The following ATG2A variants were observed in gnomAD, a reference collection of about 807,000 sequenced individuals.
ATG2A encodes the protein autophagy related 2A.
A neutral mutation model predicts 214.2 loss-of-function variants in ATG2A; 103 were observed. That is an observed-to-expected ratio of 0.48 (90% CI 0.41 to 0.57). The LOEUF (loss-of-function observed/expected upper bound fraction) is 0.57. Among genes scored for constraint, ATG2A ranks in the 20% least tolerant of loss-of-function variants. The probability of loss-of-function intolerance (pLI) is 0.00; values close to 1 mark genes in which losing one functional copy is unlikely to be tolerated. For missense variants in ATG2A, 2,312 were observed against 2,613.2 expected, an observed-to-expected ratio of 0.88 and a Z score of 2.51; for synonymous variants, 1,160 against 1,142.1, an observed-to-expected ratio of 1.02 and a Z score of -0.32.
At position 64,900,558 on chromosome 11, in the gene ATG2A, G is replaced by A. The variant is rs929398162; in HGVS notation, c.4400C>T (p.Ser1467Leu). The change falls in exon 31 of 41, where the codon TCA becomes TTA. Residue 1467 changes from serine (S) to leucine (L), a missense_variant. Coordinates refer to ENST00000377264, the MANE Select transcript of ATG2A (RefSeq NM_015104.3). Reference protein sequence around the residue: ...RCSGPNRPQNSWRTQGGSGRQ... With the variant: ...RCSGPNRPQNLWRTQGGSGRQ... ...CCCGCTGCCCCCCTGCGTGCGCCAT[G>A]AGTTCTGGGGCCGGTTGGGGCCAGA... The A allele has an allele frequency of 1.2e-6, 2 of 1,613,396 alleles. No homozygotes were observed. The highest frequency in any genetic ancestry group is 2.2e-5 in the East Asian group (1 of 44,878).
At chr11:64,906,041 C>T in intron 22 of ATG2A, 72 bp downstream of exon 22, 1 of 1,513,954 alleles carries the variant, frequency 6.6e-7, no homozygotes. Flanking sequence ...CTCCTCCCAC[C>T]TAGAGACCTG....
At chr11:64,901,896 T>A (rs1294730939) in intron 29 of ATG2A, 66 bp downstream of exon 29, 8 of 1,568,216 alleles carry the variant, frequency 5.1e-6, no homozygotes, top group Non-Finnish European at 6.9e-6. Context: ...CACCCCTGAG[T>A]GTTCCGTCCC....
chr11:64,897,801 C>T (rs1373982622), intron 35 of ATG2A, 38 bp downstream of exon 35: 2 of 1,614,046 alleles, frequency 1.2e-6, no homozygotes, highest in Non-Finnish European at 1.7e-6. Context: ...CCCCAGCAAT[C>T]TGGCCCAGGG....
intron 31 of ATG2A, among the ~76,000 whole-genome samples, chr11:64,899,605 CT>C (rs1944279444): frequency 6.6e-6 from 1 of 152,160 alleles, no homozygotes. Flanking sequence ...AGGCCCAAAC[CT>C]TGAACCCTCT....
chr11:64,898,224 G>A lies in ATG2A; in HGVS notation c.4773+37C>T. 6.2e-7 allele frequency: 1 copy of A among 1,613,558 alleles called. No individual in the cohort carries two copies. The highest frequency in any genetic ancestry group is 8.5e-7 in the Non-Finnish European group (1 of 1,179,652). On this transcript the variant is annotated intron_variant, in intron 33 of 40. Transcript: ENST00000377264. This position sits in a 1 kb window ranked among gnomAD's most constrained non-coding sequence, Gnocchi z 4.5. ...AGACTCAGAGGCCTGGAGACAGTGG[G>A]GTCACCCTAGGCTCTGCCCTCACGT... is the stretch of plus-strand genomic sequence containing the variant.
chr11:64,911,486 G>A (rs1944772975), intron 9 of ATG2A, among the ~76,000 whole-genome samples: 1 of 152,180 alleles, frequency 6.6e-6, no homozygotes, highest in Non-Finnish European at 1.5e-5. Context: ...CAGGGTGCTG[G>A]AAGGACAGGA....
Position 64,911,184 on chromosome 11 carries a change from C to T in ATG2A, c.1320G>A (p.Gln440=). Residue 440 remains glutamine, a synonymous_variant, in exon 10 of 41, where the codon CAG becomes CAA. Transcript: ENST00000377264. ...GTGGTCCGGAAGATGGGGCAGACGTCTGAAGCAAGGTCAGGGTCACACCCC... is the reference window on the plus strand; with the variant it reads ...GTGGTCCGGAAGATGGGGCAGACGTTTGAAGCAAGGTCAGGGTCACACCCC... The part of the protein sequence containing the change: ...TLGGVTLTLL[Q]TSAPSSGPPD... The T allele has an allele frequency of 6.2e-7, 1 of 1,614,152 alleles. No individual in the cohort carries two copies. Among genetic ancestry groups the T allele is most frequent in the Non-Finnish European group, 8.5e-7 (1 of 1,180,034 alleles).
At position 64,909,293 on chromosome 11, in the gene ATG2A, C is replaced by G; in HGVS notation, c.2182G>C (p.Gly728Arg). 2 of 1,613,688 alleles carry G rather than the reference C, an allele frequency of 1.2e-6. No individual in the cohort carries two copies. The highest frequency in any genetic ancestry group is 1.7e-6 in the Non-Finnish European group (2 of 1,179,972). Residue 728 changes from glycine (G) to arginine (R), a missense_variant, in exon 15 of 41, where the codon GGG becomes CGG. Gly to Arg is a moderately radical substitution (Grantham distance 125, BLOSUM62 -2). Coordinates refer to ENST00000377264, the MANE Select transcript of ATG2A (RefSeq NM_015104.3). ...VSKALDPKST[G>R]RKYFLPQVVV... ...TACTGGGGCAGGAAGTACTTGCGCCCAGTGCTCTTGGGGTCCAGGGCTTTG... is the reference window on the plus strand; with the variant it reads ...TACTGGGGCAGGAAGTACTTGCGCCGAGTGCTCTTGGGGTCCAGGGCTTTG...
chr11:64,896,933 G>A (rs1438484264), intron 37 of ATG2A, 64 bp from the exon 38 acceptor site: 2 of 1,590,972 alleles, frequency 1.3e-6, no homozygotes, highest in African/African-American at 1.3e-5. Flanking sequence ...GGGATTGTGG[G>A]GTCAGGAGGA....
rs746936357 is a variant in ATG2A, at chr11:64,905,755, A to G, written c.3358T>C (p.Ser1120Pro). 6.2e-7 allele frequency: 1 copy of G among 1,613,938 alleles called. No individual in the cohort carries two copies. The highest frequency in any genetic ancestry group is 1.1e-5 in the South Asian group (1 of 91,078). The change falls in exon 23 of 41, where the codon TCT becomes CCT. Residue 1120 changes from serine (S) to proline (P), a missense_variant. Coordinates refer to ENST00000377264, the MANE Select transcript of ATG2A (RefSeq NM_015104.3). ...TILHTHLFSCSVDYRPLYLPV... is the reference protein window; with the variant it reads ...TILHTHLFSCPVDYRPLYLPV... ...CCAGCCTGGTACCTATAGTCCACAG[A>G]GCAGGAGAACAGGTGTGTGTGCAGG...
intron 16 of ATG2A, 25 bp downstream of exon 16, chr11:64,908,966 G>C (rs1944658964): frequency 6.4e-7 from 1 of 1,550,854 alleles, no homozygotes; most frequent in Non-Finnish European, 8.7e-7. Flanking sequence ...AGGGGGTCCT[G>C]GGAAGAGGTG....
chr11:64,915,785 G>A (rs780670838), intron 1 of ATG2A, among the ~76,000 whole-genome samples: 15 of 152,114 alleles, frequency 9.9e-5, no homozygotes, highest in Non-Finnish European at 2.1e-4. Context: ...GCTAGCCTGG[G>A]CAACATAGCG....
chr11:64,902,569 C>A lies in ATG2A; in HGVS notation c.3724G>T (p.Asp1242Tyr). The A allele has an allele frequency of 1.3e-6, 2 of 1,584,820 alleles. No individual in the cohort carries two copies. The highest frequency in any genetic ancestry group is 1.7e-6 in the Non-Finnish European group (2 of 1,168,062). The change falls in exon 27 of 41, where the codon GAT becomes TAT. Residue 1242 changes from aspartate (D) to tyrosine (Y), a missense_variant. Transcript: ENST00000377264. ...GGGGGCCGGGGTGGGGGGTGCAGAT[C>A]GCCTGTGCTCATTACGTACTGGAGC... is the stretch of plus-strand genomic sequence containing the variant. ...NLLQYVMSTG[D>Y]LHPPPRPPSP... is the part of the protein sequence containing the mutation.
chr11:64,913,986 T>C lies in ATG2A; in HGVS notation c.488-63A>G. On this transcript the variant is annotated intron_variant, in intron 3 of 40. Transcript: ENST00000377264. This position sits in a 1 kb window ranked among gnomAD's most constrained non-coding sequence, Gnocchi z 4.3. ...AGCAAAGGGGAGGCAGAATTTCCCA[T>C]CTGGGCACCAGGGTGGCCGTGCCGT... The C allele has an allele frequency of 6.3e-7, 1 of 1,586,144 alleles. No individual in the cohort carries two copies. Among genetic ancestry groups the C allele is most frequent in the Non-Finnish European group, 8.6e-7 (1 of 1,165,548 alleles).
chr11:64,913,751 G>T lies in ATG2A; in HGVS notation c.590+70C>A. The T allele has an allele frequency of 6.8e-7, 1 of 1,464,504 alleles. No homozygotes were observed. The highest frequency in any genetic ancestry group is 9.5e-7 in the Non-Finnish European group (1 of 1,056,796). 90.7% of individuals were successfully genotyped at this position (1,464,504 alleles called of 1,614,324 possible). A position where few individuals can be genotyped will look rare whatever the true frequency, so the allele number is the denominator to read the frequency against. On this transcript the variant is annotated intron_variant, in intron 4 of 40. Coordinates refer to ENST00000377264, the MANE Select transcript of ATG2A (RefSeq NM_015104.3). This position sits in a 1 kb window ranked among gnomAD's most constrained non-coding sequence, Gnocchi z 4.3. The stretch of plus-strand genomic sequence containing the variant: ...CCTCTTCCCAGGAACCTAGGCTGCG[G>T]GTGGGGACCATCCAGCAGCCCCCAC...
In ATG2A at chr11:64,900,574, T is replaced by TGGG. The variant is rs1404196880; in HGVS notation, c.4381_4383dup (p.Pro1461dup). On this transcript the variant is annotated inframe_insertion, in exon 31 of 41. Coordinates refer to ENST00000377264, the MANE Select transcript of ATG2A (RefSeq NM_015104.3). ...GTGCGCCATGAGTTCTGGGGCCGGT[T>TGGG]GGGGCCAGAGCAGCGGGAAGGGGAG... 2 of 1,613,244 alleles carry TGGG rather than the reference T, an allele frequency of 1.2e-6. No homozygotes were observed. The highest frequency in any genetic ancestry group is 2.2e-5 in the South Asian group (2 of 91,058).
In ATG2A at chr11:64,914,439, C is replaced by G; in HGVS notation, c.233G>C (p.Gly78Ala). 6.2e-7 allele frequency: 1 copy of G among 1,612,796 alleles called. No individual in the cohort carries two copies. The highest frequency in any genetic ancestry group is 8.5e-7 in the Non-Finnish European group (1 of 1,179,760). The change falls in exon 2 of 41, where the codon GGC (glycine) becomes GCC (alanine). Residue 78 changes from glycine to alanine, a missense_variant. Physicochemically the swap from Gly to Ala is moderately conservative, Grantham distance 60 (BLOSUM62 0). Coordinates refer to ENST00000377264, the MANE Select transcript of ATG2A (RefSeq NM_015104.3). ...CCAGGGCACGGCCACCTCGATGGAG[C>G]CCACGAAGCCTTCCACCAGCTCCAG... ...SPLELVEGFV[G>A]SIEVAVPWAA...
rs1944170156 is a variant in ATG2A, at chr11:64,896,842, G to C, written c.5178C>G (p.Gly1726=). 3 of 1,614,188 alleles carry C rather than the reference G, an allele frequency of 1.9e-6. No homozygotes were observed. Among genetic ancestry groups the C allele is most frequent in the South Asian group, 2.2e-5 (2 of 91,088 alleles). The change falls in exon 38 of 41, where the codon GGC becomes GGG. Residue 1726 remains glycine (G), a synonymous_variant. Coordinates refer to ENST00000377264, the MANE Select transcript of ATG2A (RefSeq NM_015104.3). The stretch of plus-strand genomic sequence containing the variant: ...CCTGCAGCCACTCGTTGAGGGCATA[G>C]CCCAGCACCTTGTCCACACCCAGGA... ...HGLLGVDKVL[G]YALNEWLQDI...
In ATG2A at chr11:64,909,681, C is replaced by T; in HGVS notation, c.2107G>A (p.Gly703Ser). The T allele has an allele frequency of 6.2e-7, 1 of 1,611,414 alleles. No individual in the cohort carries two copies. Among genetic ancestry groups the T allele is most frequent in the Non-Finnish European group, 8.5e-7 (1 of 1,178,880 alleles). Residue 703 changes from glycine (G) to serine (S), a missense_variant and splice_region_variant, in exon 14 of 41, where the codon GGT becomes AGT. Transcript: ENST00000377264. ...HLELTCSDLH[G>S]IYEDGGKPPV... ...AGTTCTGTCACTCGGGGGCTCTCACCATGTAGGTCGGAGCAGGTGAGTTCC... is the reference window on the plus strand; with the variant it reads ...AGTTCTGTCACTCGGGGGCTCTCACTATGTAGGTCGGAGCAGGTGAGTTCC...
Sources: allele counts gnomAD v4.1 joint callset (sites outside exome capture counted in the v4.1 genomes callset), GRCh38; gene constraint gnomAD v4.1.1; non-coding constraint Gnocchi (gnomAD v3.1); transcripts MANE v1.5; gene names NCBI Gene and HGNC (gene_info 2026-07-23, HGNC 2026-07-21).